REPS2: variants seen among roughly 807,000 people sequenced by gnomAD.
REPS2 encodes ralBP1-associated Eps domain-containing protein 2.
A neutral mutation model predicts 53.6 loss-of-function variants in REPS2; 23 were observed. The observed-to-expected ratio is 0.43, with a 90% confidence interval of 0.31 to 0.61. The LOEUF (loss-of-function observed/expected upper bound fraction) is 0.61. REPS2 is among the 20% of genes least tolerant of loss of function. REPS2 has a pLI of 0.11. For missense variants in REPS2, 446 were observed against 534.9 expected (o/e 0.83, Z 1.64); for synonymous variants, 238 against 218.6 (o/e 1.09, Z -0.78).
chrX:17,130,368 G>T (rs1272718094), intron 14 of REPS2, among the ~76,000 whole-genome samples: 1 of 111,773 alleles, frequency 8.9e-6, no homozygotes, highest in Non-Finnish European at 1.9e-5. Context: ...TAGTGTTCTT[G>T]TGGTAGCCCT....
At chrX:17,117,881 A>G (rs995885171) in intron 14 of REPS2, among the ~76,000 whole-genome samples, 1 of 108,656 alleles carries the variant, frequency 9.2e-6, no homozygotes, top group Non-Finnish European at 1.9e-5. Flanking sequence ...ACTAGTTTAC[A>G]GTCCCACCAA....
At chrX:17,093,192 ATATATAT>A (rs1249561155) in intron 13 of REPS2, among the ~76,000 whole-genome samples, 2 of 34,303 alleles carry the variant, frequency 5.8e-5, no homozygotes, top group African/African-American at 3.3e-4. Flanking sequence ...ATATATATAT[ATATATAT>A]AATTTTTTTT....
chrX:17,176,433 G>A, the REPS2 span, among the ~76,000 whole-genome samples: 1 of 112,024 alleles, frequency 8.9e-6, no homozygotes, highest in African/African-American at 3.2e-5. Context: ...ACCCTAGTGG[G>A]CCATTTCCTG....
intron 5 of REPS2, among the ~76,000 whole-genome samples, chrX:17,043,735 G>A (rs1427457906): frequency 1.8e-5 from 2 of 112,837 alleles, no homozygotes; most frequent in Non-Finnish European, 3.7e-5. Context: ...TCAAAGGCCA[G>A]TATACTGTGT....
At chrX:17,072,546 A>G (rs1316004438) in intron 11 of REPS2, among the ~76,000 whole-genome samples, 1 of 112,461 alleles carries the variant, frequency 8.9e-6, no homozygotes, top group Non-Finnish European at 1.9e-5. Context: ...CAGCAAAAAG[A>G]CAAAGATAAT....
chrX:17,195,785 A>AT, the REPS2 span, among the ~76,000 whole-genome samples: 1 of 112,407 alleles, frequency 8.9e-6, no homozygotes, highest in East Asian at 2.8e-4. Context: ...ATATTTAAAG[A>AT]TTTTGCCCTC....
chrX:17,024,745 C>T lies in REPS2; in HGVS notation c.547-314C>T, dbSNP rs112177951. 4.6e-3 allele frequency among the ~76,000 whole-genome samples: 514 copies of T among 110,562 alleles called. 2 individuals carry two copies. Among genetic ancestry groups the T allele is most frequent in the African/African-American group, 0.016 (494 of 30,412 alleles). On this transcript the variant is annotated intron_variant, in intron 3 of 17. Transcript: ENST00000357277. Reference sequence around the variant, plus strand: ...TCCACAGAGAGATCACAATTGGGAGCGGGTATGAATGTTATTTCATGTGAT... The same window carrying T: ...TCCACAGAGAGATCACAATTGGGAGTGGGTATGAATGTTATTTCATGTGAT...
intron 14 of REPS2, among the ~76,000 whole-genome samples, chrX:17,109,391 T>C (rs757620043): frequency 9.0e-6 from 1 of 111,219 alleles, no homozygotes; most frequent in Non-Finnish European, 1.9e-5. Flanking sequence ...TGAGAAGCAC[T>C]GAATTAGGGC....
intron 5 of REPS2, among the ~76,000 whole-genome samples, chrX:17,040,982 G>A (rs779592816): frequency 5.4e-5 from 6 of 111,551 alleles, no homozygotes; most frequent in Admixed American, 1.9e-4. Context: ...TTCATTGAGG[G>A]AACAGCTGCT....
chrX:17,133,266 C>A (rs192400408), intron 14 of REPS2, among the ~76,000 whole-genome samples: 28 of 111,444 alleles, frequency 2.5e-4, no homozygotes, highest in Admixed American at 1.5e-3. Context: ...CTTTAGCGTC[C>A]CCTTCAGCCT....
chrX:17,141,802 A>G (rs2063450656), intron 17 of REPS2, among the ~76,000 whole-genome samples: 1 of 112,608 alleles, frequency 8.9e-6, no homozygotes, highest in Non-Finnish European at 1.9e-5. Context: ...ATCTTACTTT[A>G]TGAAATATCT....
rs2062483083 is a variant in REPS2, at chrX:17,083,226, A to G, written c.1516+5819A>G. The stretch of plus-strand genomic sequence containing the variant: ...GGCCTCCCAAATAGCTGGGGACTAC[A>G]GGCACCTGCCACCACGCCCTGCTAA... On this transcript the variant is annotated intron_variant, in intron 13 of 17. Transcript: ENST00000357277. 2.7e-5 allele frequency among the ~76,000 whole-genome samples: 3 copies of G among 109,166 alleles called. No individual in the cohort carries two copies. The South Asian group carries it at 1.2e-3, about 44-fold the overall frequency. The allele number at this position is 109,166 out of a possible 115,157, so 94.8% of individuals were successfully genotyped here. A position where few individuals can be genotyped will look rare whatever the true frequency, so the allele number is the denominator to read the frequency against.
chrX:17,003,277 C>T (rs1302579349), intron 1 of REPS2, among the ~76,000 whole-genome samples: 2 of 111,636 alleles, frequency 1.8e-5, no homozygotes, highest in African/African-American at 6.5e-5. Context: ...ACTACAGTTT[C>T]AAAGATAAGG....
At chrX:17,169,292 C>A in the REPS2 span, among the ~76,000 whole-genome samples, 1 of 112,307 alleles carries the variant, frequency 8.9e-6, no homozygotes. Context: ...CTGGATCATC[C>A]TGATGAGCTA....
chrX:17,161,266 G>A, the REPS2 span, among the ~76,000 whole-genome samples: 6 of 111,882 alleles, frequency 5.4e-5, no homozygotes, highest in African/African-American at 1.9e-4. Flanking sequence ...ACATGGCAAA[G>A]GGGATTTCAC....
At chrX:17,056,003 TAAAA>T (rs1342515277) in intron 8 of REPS2, among the ~76,000 whole-genome samples, 3 of 108,771 alleles carry the variant, frequency 2.8e-5, no homozygotes, top group Non-Finnish European at 3.8e-5. Context: ...AAATAAAAAA[TAAAA>T]AAACAAACAA....
At chrX:17,169,726 A>G in the REPS2 span, among the ~76,000 whole-genome samples, 3 of 112,405 alleles carry the variant, frequency 2.7e-5, no homozygotes, top group Non-Finnish European at 5.6e-5. Context: ...AGACTGGCTG[A>G]CAATCAAAGA....
At chrX:17,061,785 C>A (rs1470058838) in intron 8 of REPS2, among the ~76,000 whole-genome samples, 2 of 112,467 alleles carry the variant, frequency 1.8e-5, no homozygotes, top group Non-Finnish European at 3.8e-5. Context: ...GTAGCCTGAT[C>A]TTTCCTCGTG....
intron 4 of REPS2, among the ~76,000 whole-genome samples, chrX:17,028,163 C>T (rs533668787): frequency 7.2e-5 from 8 of 111,713 alleles, no homozygotes; most frequent in African/African-American, 2.6e-4. Context: ...CCTGTTCCCC[C>T]ATGTGTCTCC....
Sources: gnomAD v4.1 joint callset for allele counts (sites outside exome capture counted in the v4.1 genomes callset) on GRCh38, gnomAD v4.1.1 for gene constraint, MANE v1.5 for transcripts, NCBI Gene and HGNC (gene_info 2026-07-23, HGNC 2026-07-21) for gene names.